Variants in TRIQK observed in about 807,000 individuals in gnomAD.
The protein encoded by TRIQK is triple QxxK/R motif containing.
Under a neutral mutation model 10.8 loss-of-function variants are expected in TRIQK, and 10 were observed. That is an observed-to-expected ratio of 0.92 (90% confidence interval 0.57 to 1.57). The LOEUF is 1.57. Among genes scored for constraint, TRIQK ranks in the 40% most tolerant of loss-of-function variants. The pLI is 0.00. For synonymous variants in TRIQK, 33 were observed against 33.7 expected, an observed-to-expected ratio of 0.98 and a Z score of 0.07; for missense variants, 107 against 97.7, an observed-to-expected ratio of 1.09 and a Z score of -0.40.
chr8:92,999,212 T>C (rs906045917), intron 1 of TRIQK, among the ~76,000 whole-genome samples: 6 of 152,160 alleles, frequency 3.9e-5, no homozygotes, highest in African/African-American at 1.2e-4. Context: ...TACTAGCTAT[T>C]GCTGTTTATT....
intron 1 of TRIQK, among the ~76,000 whole-genome samples, chr8:92,997,522 C>G (rs1195519889): frequency 6.6e-6 from 1 of 152,006 alleles, no homozygotes; most frequent in Non-Finnish European, 1.5e-5. Context: ...AAATGCAACT[C>G]AATTTCTGTC....
Position 92,885,239 on chromosome 8 carries a change from C to T in TRIQK, c.*1383G>A. The stretch of plus-strand genomic sequence containing the variant: ...CATAATGCTACACAGTCACAGTCGA[C>T]TTTTTGCAAAAGTACCAGAGAATAT... On this transcript the variant is annotated 3_prime_UTR_variant, in exon 5 of 5. Transcript: ENST00000521988. 3.1e-6 allele frequency: 1 copy of T among 321,016 alleles called. No individual in the cohort carries two copies. The highest frequency in any genetic ancestry group is 2.7e-5 in the South Asian group (1 of 37,202). The allele number at this position is 321,016 out of a possible 1,614,324, so 19.9% of individuals were successfully genotyped here.
At chr8:92,952,025 T>C (rs1452405831) in intron 2 of TRIQK, among the ~76,000 whole-genome samples, 3 of 151,800 alleles carry the variant, frequency 2.0e-5, no homozygotes, top group Admixed American at 6.6e-5. Context: ...CAGTTCCTTT[T>C]ACCCAGTACA....
intron 2 of TRIQK, among the ~76,000 whole-genome samples, chr8:92,932,274 T>G (rs1174465266): frequency 1.3e-5 from 2 of 152,144 alleles, no homozygotes; most frequent in African/African-American, 4.8e-5. Context: ...CCTATATAAC[T>G]ACCCCTAACT....
chr8:92,892,480 A>G (rs1402627063), intron 3 of TRIQK, among the ~76,000 whole-genome samples: 2 of 151,944 alleles, frequency 1.3e-5, no homozygotes, highest in African/African-American at 4.8e-5. Flanking sequence ...AATGTATTTT[A>G]TTATGGATAC....
intron 1 of TRIQK, chr8:93,017,543 C>A (rs1311183847): frequency 1.3e-5 from 2 of 152,158 alleles, no homozygotes; most frequent in East Asian, 3.9e-4. Flanking sequence ...TGATTCCCAC[C>A]GGCAGGCCTG....
chr8:93,001,673 G>GT (rs1445952536), intron 1 of TRIQK, among the ~76,000 whole-genome samples: 2 of 152,152 alleles, frequency 1.3e-5, no homozygotes, highest in Non-Finnish European at 2.9e-5. Context: ...GATATAGAGT[G>GT]TAATAGAAGA....
chr8:92,992,869 A>G (rs997159782), intron 1 of TRIQK, among the ~76,000 whole-genome samples: 1 of 152,200 alleles, frequency 6.6e-6, no homozygotes, highest in African/African-American at 2.4e-5. Context: ...AGTGCACTGA[A>G]ATGGTGACAC....
chr8:92,885,286 A>G lies in TRIQK; in HGVS notation c.*1336T>C, dbSNP rs1473802192. 3.3e-6 allele frequency: 1 copy of G among 305,708 alleles called. No homozygotes were observed. The highest frequency in any genetic ancestry group is 4.3e-5 in the Admixed American group (1 of 23,518). The allele number at this position is 305,708 out of a possible 1,614,324, so 18.9% of individuals were successfully genotyped here. ...ATATCTTTTAGAAACAGTGCTTATA[A>G]AGCCCCATATACTCCTTAGATATTT... On this transcript the variant is annotated 3_prime_UTR_variant, in exon 5 of 5. Coordinates refer to ENST00000521988, the MANE Select transcript of TRIQK (RefSeq NM_001171797.2).
chr8:92,962,164 TTAA>T (rs1486712304), intron 1 of TRIQK, among the ~76,000 whole-genome samples: 3 of 152,188 alleles, frequency 2.0e-5, no homozygotes, highest in African/African-American at 7.2e-5. Flanking sequence ...CCTTATCTGT[TTAA>T]TAGGAAATTT....
chr8:93,006,323 G>A (rs1182161089), intron 1 of TRIQK, among the ~76,000 whole-genome samples: 1 of 152,206 alleles, frequency 6.6e-6, no homozygotes, highest in Non-Finnish European at 1.5e-5. Flanking sequence ...GAAAAGCTGA[G>A]TGGTGAGACA....
chr8:92,903,131 A>G (rs1363058291), intron 3 of TRIQK, among the ~76,000 whole-genome samples: 1 of 152,058 alleles, frequency 6.6e-6, no homozygotes, highest in Non-Finnish European at 1.5e-5. Context: ...ATTTTTAAAT[A>G]TATTCTAAAT....
At position 92,917,004 on chromosome 8, in the gene TRIQK, A is replaced by G. The variant is rs914865514; in HGVS notation, c.-15T>C. Reference sequence around the variant, plus strand: ...TTTCTACCCATCTTTGATCTCCAAAATGCCTGCTGAAAAGAAAACAATTAT... The same window carrying G: ...TTTCTACCCATCTTTGATCTCCAAAGTGCCTGCTGAAAAGAAAACAATTAT... On this transcript the variant is annotated 5_prime_UTR_variant, in exon 3 of 5. Coordinates refer to ENST00000521988, the MANE Select transcript of TRIQK (RefSeq NM_001171797.2). 1.3e-6 allele frequency: 2 copies of G among 1,490,130 alleles called. No individual in the cohort carries two copies. The highest frequency in any genetic ancestry group is 2.8e-5 in the African/African-American group (2 of 70,504). The allele number at this position is 1,490,130 out of a possible 1,614,324, so 92.3% of individuals were successfully genotyped here.
At chr8:93,000,820 A>AAATG (rs1324005508) in intron 1 of TRIQK, among the ~76,000 whole-genome samples, 1 of 151,840 alleles carries the variant, frequency 6.6e-6, no homozygotes, top group Non-Finnish European at 1.5e-5. Context: ...GCACATACAC[A>AAATG]AATGGTAAAG....
At chr8:92,948,353 G>A (rs1271577936) in intron 2 of TRIQK, among the ~76,000 whole-genome samples, 1 of 152,138 alleles carries the variant, frequency 6.6e-6, no homozygotes, top group East Asian at 1.9e-4. Flanking sequence ...TTTCGCCACA[G>A]TAATGGTTAA....
At chr8:92,925,581 A>C (rs778715231) in intron 2 of TRIQK, among the ~76,000 whole-genome samples, 21 of 152,292 alleles carry the variant, frequency 1.4e-4, no homozygotes, top group Non-Finnish European at 2.9e-4. Context: ...CTTGAACAGG[A>C]ACTAGAAACT....
At chr8:92,989,654 A>T (rs931156452) in intron 1 of TRIQK, among the ~76,000 whole-genome samples, 3 of 152,218 alleles carry the variant, frequency 2.0e-5, no homozygotes, top group Admixed American at 6.5e-5. Flanking sequence ...TATGGTGAGT[A>T]ACATAATTAT....
intron 1 of TRIQK, among the ~76,000 whole-genome samples, chr8:92,992,905 A>C (rs1813112205): frequency 6.6e-6 from 1 of 152,220 alleles, no homozygotes; most frequent in Non-Finnish European, 1.5e-5. Context: ...AAACTAGCTC[A>C]ACTTATGAAG....
intron 3 of TRIQK, among the ~76,000 whole-genome samples, chr8:92,903,928 T>C (rs1809099704): frequency 6.6e-6 from 1 of 151,976 alleles, no homozygotes. Flanking sequence ...CAGTTGGCAA[T>C]GGGCAGACAA....
Sources: gnomAD v4.1 joint callset for allele counts (sites outside exome capture counted in the v4.1 genomes callset) on GRCh38, gnomAD v4.1.1 for gene constraint, MANE v1.5 for transcripts, NCBI Gene and HGNC (gene_info 2026-07-23, HGNC 2026-07-21) for gene names.